Variants in ABCG5 observed in about 807,000 individuals in gnomAD.
ABCG5 encodes ATP binding cassette subfamily G member 5.
Under a neutral mutation model 64.5 loss-of-function variants are expected in ABCG5, and 64 were observed. That is an observed-to-expected ratio of 0.99 (90% confidence interval 0.81 to 1.22). The LOEUF is 1.22. ABCG5 is among the 50% of genes most tolerant of loss of function. The pLI is 0.00. For synonymous variants in ABCG5, 385 were observed against 326.3 expected (o/e 1.18, Z -1.94); for missense variants, 908 against 829.5 (o/e 1.09, Z -1.16).
intron 9 of ABCG5, 112 bp from the exon 10 acceptor site, chr2:43,823,047 A>AG (rs1244510854): frequency 4.8e-6 from 7 of 1,454,822 alleles, no homozygotes; most frequent in African/African-American, 2.8e-5. Context: ...AGGACCAGCT[A>AG]GGGGGGTTCC....
At chr2:43,814,001 C>G (rs112192937) in intron 12 of ABCG5, among the ~76,000 whole-genome samples, 10 of 152,228 alleles carry the variant, frequency 6.6e-5, no homozygotes, top group African/African-American at 2.4e-4. Context: ...CAGGCGTGAG[C>G]CACTGTGCCC....
chr2:43,819,851 A>G, intron 11 of ABCG5, 64 bp downstream of exon 11: 4 of 1,549,308 alleles, frequency 2.6e-6, no homozygotes, highest in Non-Finnish European at 3.6e-6. Flanking sequence ...TACTTCAGTC[A>G]TTATTAGGTG....
At chr2:43,823,806 T>G (rs910436009) in intron 9 of ABCG5, 107 bp downstream of exon 9, 4 of 1,341,336 alleles carry the variant, frequency 3.0e-6, no homozygotes, top group East Asian at 5.0e-5. Flanking sequence ...AGGGCTGGGT[T>G]TAGCTCAGAG....
intron 11 of ABCG5, among the ~76,000 whole-genome samples, chr2:43,816,220 T>G (rs139323169): frequency 6.6e-6 from 1 of 152,234 alleles, no homozygotes; most frequent in Non-Finnish European, 1.5e-5. Flanking sequence ...GCAGGCCTAA[T>G]TGGTCCAAGG....
At chr2:43,825,896 A>G (rs1572773396) in intron 6 of ABCG5, among the ~76,000 whole-genome samples, 1 of 152,214 alleles carries the variant, frequency 6.6e-6, no homozygotes, top group East Asian at 1.9e-4. Flanking sequence ...GGAACATGGT[A>G]GGTGCTGAAA....
rs1668379427 is a variant in ABCG5 at position 43,837,863 on chromosome 2, C to A, written c.236G>T (p.Gly79Val). 6.2e-7 allele frequency: 1 copy of A among 1,613,974 alleles called. No homozygotes were observed. Among genetic ancestry groups the A allele is most frequent in the African/African-American group, 1.3e-5 (1 of 74,918 alleles). Residue 79 changes from glycine to valine, a missense_variant, in exon 2 of 13, where the codon GGG becomes GTG. Transcript: ENST00000405322. ...LKDVSLYVES[G>V]QIMCILGSSG... The stretch of plus-strand genomic sequence containing the variant: ...GCTTCCTAGGATGCACATGATCTGC[C>A]CGCTCTCCACGTACAAGGAGACATC...
downstream of ABCG5, chr2:43,809,977 TA>T (rs926887880): frequency 1.6e-6 from 2 of 1,257,048 alleles, no homozygotes; most frequent in African/African-American, 1.5e-5. Flanking sequence ...TAATTTTTTT[TA>T]AAATAAAAGA....
downstream of ABCG5, among the ~76,000 whole-genome samples, chr2:43,807,551 C>T (rs577445468): frequency 6.6e-6 from 1 of 151,740 alleles, no homozygotes; most frequent in Non-Finnish European, 1.5e-5. Flanking sequence ...GGGATCCTCC[C>T]ATCTCAGCCT....
At position 43,826,441 on chromosome 2, in the gene ABCG5, C is replaced by T. The variant is rs886056029; in HGVS notation, c.715G>A (p.Ala239Thr). The change falls in exon 6 of 13, where the codon GCT becomes ACT. Residue 239 changes from alanine (A) to threonine (T), a missense_variant. Transcript: ENST00000405322. ...AGAACCACAATTCGGTTCCTGCGAG[C>T]CAGTTCCACCAGGAGGACGACAATC... is the stretch of plus-strand genomic sequence containing the variant. ...NQIVVLLVEL[A>T]RRNRIVVLTI... 1.2e-6 allele frequency: 2 copies of T among 1,614,124 alleles called. No individual in the cohort carries two copies. The highest frequency in any genetic ancestry group is 1.7e-6 in the Non-Finnish European group (2 of 1,180,026).
rs779110761 is a variant in ABCG5 at position 43,820,910 on chromosome 2, TC to T, written c.1464-811del. On this transcript the variant is annotated intron_variant, in intron 10 of 12. Coordinates refer to ENST00000405322, the MANE Select transcript of ABCG5 (RefSeq NM_022436.3). ...CTCAAGTGATCTGCCCATCTCAGCC[TC>T]CCAAAGTGCTAGGATTACAGGCATG... is the stretch of plus-strand genomic sequence containing the variant. 1.1e-4 allele frequency among the ~76,000 whole-genome samples: 16 copies of T among 152,282 alleles called. No homozygotes were observed. In the East Asian group the frequency reaches 1.9e-3, roughly 18 times the overall value.
chr2:43,828,472 C>CAAAAAAAAAAAAAAAA, intron 4 of ABCG5: 1 of 184,288 alleles, frequency 5.4e-6, no homozygotes, highest in Non-Finnish European at 9.9e-6. Context: ...CCTGTCTCTA[C>CAAAAAAAAAAAAAAAA]AAAAAAAAAA....
downstream of ABCG5, among the ~76,000 whole-genome samples, chr2:43,810,168 G>C (rs1666432920): frequency 6.6e-6 from 1 of 152,198 alleles, no homozygotes; most frequent in Admixed American, 6.5e-5. Context: ...AGCTGTAGCT[G>C]GGAGGAAACC....
At chr2:43,814,768 C>T (rs1013615277) in intron 11 of ABCG5, among the ~76,000 whole-genome samples, 179 bp from the exon 12 acceptor site, 1 of 152,052 alleles carries the variant, frequency 6.6e-6, no homozygotes, top group African/African-American at 2.4e-5. Flanking sequence ...AAAGAAATAC[C>T]GTTGCCTAGA....
chr2:43,835,311 G>A lies in ABCG5; in HGVS notation c.265+2523C>T, dbSNP rs533672398. On this transcript the variant is annotated intron_variant, in intron 2 of 12. Transcript: ENST00000405322. Reference sequence around the variant, plus strand: ...TCTGAGATGGGGGGTTCCATTTCTTGTTGTTCTTAGAAGTGGGACACACTT... The same window carrying A: ...TCTGAGATGGGGGGTTCCATTTCTTATTGTTCTTAGAAGTGGGACACACTT... Among the ~76,000 whole-genome samples, 11 of 152,072 alleles carry A rather than the reference G, an allele frequency of 7.2e-5. No individual in the cohort carries two copies. In the East Asian group the frequency reaches 1.7e-3, roughly 24 times the overall value.
In ABCG5 at chr2:43,823,152, G is replaced by T. The variant is rs960499427; in HGVS notation, c.1325-217C>A. Among the ~76,000 whole-genome samples the T allele has an allele frequency of 3.3e-5, 5 of 152,288 alleles. No individual in the cohort carries two copies. In the South Asian group the frequency reaches 1.0e-3, roughly 32 times the overall value. ...CCAGAATTGCAATACAATTGCAAAA[G>T]ATGTCATTTATTTCCTTCTCTCTAA... On this transcript the variant is annotated intron_variant, in intron 9 of 12. Coordinates refer to ENST00000405322, the MANE Select transcript of ABCG5 (RefSeq NM_022436.3).
chr2:43,820,740 G>A (rs1379503783), intron 10 of ABCG5, among the ~76,000 whole-genome samples: 2 of 152,094 alleles, frequency 1.3e-5, no homozygotes, highest in Non-Finnish European at 2.9e-5. Flanking sequence ...TGCAACCTCT[G>A]CTTCCCAGGT....
At chr2:43,815,927 A>AAAT (rs1491512114) in intron 11 of ABCG5, among the ~76,000 whole-genome samples, 1 of 146,852 alleles carries the variant, frequency 6.8e-6, no homozygotes, top group Admixed American at 6.7e-5. Context: ...AAAAAAAAAA[A>AAAT]GGACCAGACT....
rs1667964581 is a variant in ABCG5 at position 43,831,841 on chromosome 2, G to A, written c.429C>T (p.Thr143=). The change falls in exon 4 of 13, where the codon ACC becomes ACT. Residue 143 remains threonine, a synonymous_variant. Transcript: ENST00000405322. ...CGGTGTAGTGCAGCGTCTCGCGCAC[G>A]GTGAGGCTGCTCAGCAGGGTGTCGC... ...LQSDTLLSSL[T]VRETLHYTAL... is the part of the protein sequence containing the mutation. The A allele has an allele frequency of 6.3e-7, 1 of 1,585,692 alleles. No individual in the cohort carries two copies. The highest frequency in any genetic ancestry group is 8.6e-7 in the Non-Finnish European group (1 of 1,168,124).
At chr2:43,826,662 C>G (rs1667626669) in intron 5 of ABCG5, 141 bp from the exon 6 acceptor site, 5 of 1,336,298 alleles carry the variant, frequency 3.7e-6, no homozygotes, top group Non-Finnish European at 5.3e-6. Context: ...TGTAAACTGG[C>G]TTTCAGCCTG....
Sources: gnomAD v4.1 joint callset for allele counts (sites outside exome capture counted in the v4.1 genomes callset) on GRCh38, gnomAD v4.1.1 for gene constraint, MANE v1.5 for transcripts, NCBI Gene and HGNC (gene_info 2026-07-23, HGNC 2026-07-21) for gene names.